The following MAP3K10 variants were observed in gnomAD, a reference collection of about 807,000 sequenced individuals.
MAP3K10 encodes the protein MKN28 derived nonreceptor_type serine/threonine kinase.
Under a neutral mutation model 75.0 loss-of-function variants are expected in MAP3K10, and 22 were observed. The observed-to-expected ratio is 0.29, with a 90% CI of 0.21 to 0.42. The LOEUF (loss-of-function observed/expected upper bound fraction) is 0.42, where lower values mean the gene tolerates loss of function less well. Ranked by LOEUF, MAP3K10 falls within the 10% of genes least tolerant of loss-of-function variation. The probability of loss-of-function intolerance (pLI) is 1.00; values close to 1 mark genes in which losing one functional copy is unlikely to be tolerated. For synonymous variants in MAP3K10, 599 were observed against 612.9 expected, an observed-to-expected ratio of 0.98 and a Z score of 0.34; for missense variants, 1,165 against 1,379.8, an observed-to-expected ratio of 0.84 and a Z score of 2.47.
intron 5 of MAP3K10, among the ~76,000 whole-genome samples, 167 bp from the exon 6 acceptor site, chr19:40,208,936 T>G (rs1232669639): frequency 2.0e-5 from 3 of 152,162 alleles, no homozygotes; most frequent in African/African-American, 7.2e-5. Context: ...TTTCAGCTGA[T>G]GGTGATGCTG....
Position 40,192,233 on chromosome 19 carries a change from G to T in MAP3K10, c.202G>T (p.Val68Leu). Residue 68 changes from valine (V) to leucine (L), a missense_variant, in exon 1 of 10, where the codon GTG (valine) becomes TTG (leucine). Transcript: ENST00000253055. This position sits in a 1 kb window ranked among gnomAD's most constrained non-coding sequence, Gnocchi z 7.1. ...GACCGGGCAGCTCCCCAGCGGCCGC[G>T]TGGGCGTCTTCCCCAGCAACTACGT... is the stretch of plus-strand genomic sequence containing the variant. ...WWTGQLPSGR[V>L]GVFPSNYVAP... 6.2e-7 allele frequency: 1 copy of T among 1,604,642 alleles called. No individual in the cohort carries two copies.
At chr19:40,206,866 C>G (rs1219618071) in intron 5 of MAP3K10, among the ~76,000 whole-genome samples, 1 of 152,032 alleles carries the variant, frequency 6.6e-6, no homozygotes, top group Non-Finnish European at 1.5e-5. Context: ...GGCCAAAGTG[C>G]GTAGATCACT....
At chr19:40,195,533 A>G (rs1349262350) in intron 1 of MAP3K10, among the ~76,000 whole-genome samples, 2 of 115,498 alleles carry the variant, frequency 1.7e-5, no homozygotes, top group African/African-American at 6.7e-5. Context: ...TCACTCTGTG[A>G]CCCAGGCTGG....
Position 40,204,783 on chromosome 19 carries a change from C to G in MAP3K10, c.1012+150C>G, listed in dbSNP as rs948158331. Reference sequence around the variant, plus strand: ...ACCCACTGGACTCTAAACAGCCTCCCCATGGTTGGCTCCATCCCCCACATC... The same window carrying G: ...ACCCACTGGACTCTAAACAGCCTCCGCATGGTTGGCTCCATCCCCCACATC... On this transcript the variant is annotated intron_variant, in intron 3 of 9. Transcript: ENST00000253055. This position sits in a 1 kb window ranked among gnomAD's most constrained non-coding sequence, Gnocchi z 4.3. The G allele has an allele frequency of 6.2e-6, 6 of 972,174 alleles. No individual in the cohort carries two copies. In the African/African-American group the frequency reaches 9.9e-5, roughly 16 times the overall value. 60.2% of individuals were successfully genotyped at this position (972,174 alleles called of 1,614,324 possible).
intron 5 of MAP3K10, 33 bp downstream of exon 5, chr19:40,206,190 G>T (rs755766456): frequency 6.4e-7 from 1 of 1,555,178 alleles, no homozygotes; most frequent in Admixed American, 2.0e-5. Flanking sequence ...CGCCCCCCAA[G>T]AGGCTGCTGG....
At chr19:40,195,293 G>A (rs1972884151) in intron 1 of MAP3K10, among the ~76,000 whole-genome samples, 1 of 152,044 alleles carries the variant, frequency 6.6e-6, no homozygotes, top group Admixed American at 6.6e-5. Flanking sequence ...CTTAGGCCCA[G>A]CCTGGGAAAT....
At chr19:40,214,766 A>G (rs1973319039) in intron 9 of MAP3K10, among the ~76,000 whole-genome samples, 1 of 152,098 alleles carries the variant, frequency 6.6e-6, no homozygotes. Context: ...GCCAGGGTCC[A>G]CCCAGAGGAG....
rs1164221008 is a variant in MAP3K10, at chr19:40,191,535, C to T, written c.-497C>T. ...ATGGGGGCCGCCCGGCTGCCCCGCG[C>T]GTGAGGAGGCCGAGGGGCGCGCCAC... On this transcript the variant is annotated 5_prime_UTR_variant, in exon 1 of 10. Coordinates refer to ENST00000253055, the MANE Select transcript of MAP3K10 (RefSeq NM_002446.4). Among the ~76,000 whole-genome samples, 3 of 148,358 alleles carry T rather than the reference C, an allele frequency of 2.0e-5. No individual in the cohort carries two copies. The highest frequency in any genetic ancestry group is 6.4e-3 in the Middle Eastern group (2 of 312).
At chr19:40,199,624 C>G (rs754914307) in intron 2 of MAP3K10, among the ~76,000 whole-genome samples, 66 of 152,070 alleles carry the variant, frequency 4.3e-4, no homozygotes, top group Non-Finnish European at 7.4e-4. Flanking sequence ...GGAGAGGGAG[C>G]TGGAAGGCCC....
At position 40,213,903 on chromosome 19, in the gene MAP3K10, C is replaced by A; in HGVS notation, c.2224C>A (p.Pro742Thr). ...CGTGGGCCCCGGCCTGGGCCTGGCGCCCTCGGCCACCCTCGTGTCGCTGTC... is the reference window on the plus strand; with the variant it reads ...CGTGGGCCCCGGCCTGGGCCTGGCGACCTCGGCCACCCTCGTGTCGCTGTC... ...EDVGPGLGLAPSATLVSLSSV... is the reference protein window; with the variant it reads ...EDVGPGLGLATSATLVSLSSV... Residue 742 changes from proline to threonine, a missense_variant, in exon 9 of 10, where the codon CCC becomes ACC. Pro to Thr is a conservative substitution (Grantham distance 38, BLOSUM62 -1). Around this residue, in one of 2 missense-constraint regions of MAP3K10, gnomAD observed 590 missense variants for 586.6 expected, o/e 1.01. Transcript: ENST00000253055. The surrounding 1 kb of genome is among the most constrained non-coding windows in gnomAD (Gnocchi z 5.7). 6.6e-7 allele frequency: 1 copy of A among 1,504,252 alleles called. No homozygotes were observed. The allele number at this position is 1,504,252 out of a possible 1,614,324, so 93.2% of individuals were successfully genotyped here.
rs999817385 is a variant in MAP3K10, at chr19:40,198,855, G to T, written c.863+300G>T. Among the ~76,000 whole-genome samples, 2 of 152,240 alleles carry T rather than the reference G, an allele frequency of 1.3e-5. No individual in the cohort carries two copies. The highest frequency in any genetic ancestry group is 2.9e-5 in the Non-Finnish European group (2 of 68,032). On this transcript the variant is annotated intron_variant, in intron 2 of 9. Coordinates refer to ENST00000253055, the MANE Select transcript of MAP3K10 (RefSeq NM_002446.4). The surrounding 1 kb of genome is among the most constrained non-coding windows in gnomAD (Gnocchi z 4.3). ...GGCCGAGGTGGGCGGATCACTTGAGGTCAGGAGTTTGAGACCAGCCTGACC... is the reference window on the plus strand; with the variant it reads ...GGCCGAGGTGGGCGGATCACTTGAGTTCAGGAGTTTGAGACCAGCCTGACC...
chr19:40,197,849 T>G (rs1041671624), intron 1 of MAP3K10, among the ~76,000 whole-genome samples: 1 of 150,702 alleles, frequency 6.6e-6, no homozygotes, highest in Non-Finnish European at 1.5e-5. Context: ...TTCTTTTTTT[T>G]GAGACGAGGT....
At chr19:40,203,147 C>T (rs1187269738) in intron 2 of MAP3K10, among the ~76,000 whole-genome samples, 3 of 152,124 alleles carry the variant, frequency 2.0e-5, no homozygotes, top group Non-Finnish European at 2.9e-5. Context: ...GGAGACCAGC[C>T]TGGCCAACAT....
chr19:40,205,525 T>C lies in MAP3K10; in HGVS notation c.1188+229T>C, dbSNP rs1335726945. 2 of 566,172 alleles carry C rather than the reference T, an allele frequency of 3.5e-6. No individual in the cohort carries two copies. The highest frequency in any genetic ancestry group is 6.3e-6 in the Non-Finnish European group (2 of 318,860). 35.1% of individuals were successfully genotyped at this position (566,172 alleles called of 1,614,324 possible). On this transcript the variant is annotated intron_variant, in intron 4 of 9. Coordinates refer to ENST00000253055, the MANE Select transcript of MAP3K10 (RefSeq NM_002446.4). The surrounding 1 kb of genome is among the most constrained non-coding windows in gnomAD (Gnocchi z 4.3). ...ACACTGCATGATGTCTGGGGTTGGC[T>C]TTAAAATACTACAGCAGAAACGAAG...
intron 1 of MAP3K10, among the ~76,000 whole-genome samples, chr19:40,197,357 G>A (rs769622765): frequency 3.3e-5 from 5 of 152,052 alleles, no homozygotes; most frequent in South Asian, 2.1e-4. Context: ...ACAGAGTCTC[G>A]CTCTGTCACC....
intron 1 of MAP3K10, among the ~76,000 whole-genome samples, chr19:40,196,801 G>A (rs981611894): frequency 3.9e-5 from 6 of 152,172 alleles, no homozygotes; most frequent in Non-Finnish European, 8.8e-5. Flanking sequence ...TTACAGGCAT[G>A]AGCCACTGCT....
In MAP3K10 at chr19:40,213,347, G is replaced by A. The variant is rs1973276682; in HGVS notation, c.1837+159G>A. ...CCTGGGGCGTGGGGGGTCATTTCCA[G>A]GGGCAGGGACCACCCTTCTCTGAGG... On this transcript the variant is annotated intron_variant, in intron 8 of 9. Coordinates refer to ENST00000253055, the MANE Select transcript of MAP3K10 (RefSeq NM_002446.4). This position sits in a 1 kb window ranked among gnomAD's most constrained non-coding sequence, Gnocchi z 5.7. The A allele has an allele frequency of 1.4e-6, 2 of 1,449,626 alleles. No individual in the cohort carries two copies. Among genetic ancestry groups the A allele is most frequent in the South Asian group, 2.9e-5 (2 of 69,288 alleles). 89.8% of individuals were successfully genotyped at this position (1,449,626 alleles called of 1,614,324 possible).
chr19:40,212,333 T>C lies in MAP3K10; in HGVS notation c.1553-472T>C, dbSNP rs1973255977. Among the ~76,000 whole-genome samples the C allele has an allele frequency of 6.6e-6, 1 of 152,010 alleles. No individual in the cohort carries two copies. Among genetic ancestry groups the C allele is most frequent in the South Asian group, 2.1e-4 (1 of 4,824 alleles). ...CCACCCACAGCCCCCCTGCCCTCTGTCTGGGCACCTGCTTTGTACCAGGCC... is the reference window on the plus strand; with the variant it reads ...CCACCCACAGCCCCCCTGCCCTCTGCCTGGGCACCTGCTTTGTACCAGGCC... On this transcript the variant is annotated intron_variant, in intron 6 of 9. Coordinates refer to ENST00000253055, the MANE Select transcript of MAP3K10 (RefSeq NM_002446.4). The surrounding 1 kb of genome is among the most constrained non-coding windows in gnomAD (Gnocchi z 4.2).
chr19:40,200,075 A>G (rs1238560540), intron 2 of MAP3K10, among the ~76,000 whole-genome samples: 1 of 152,142 alleles, frequency 6.6e-6, no homozygotes, highest in African/African-American at 2.4e-5. Context: ...TGGGTGGTTC[A>G]CTTGAGGCCA....
Sources: gnomAD v4.1 joint callset for allele counts (sites outside exome capture counted in the v4.1 genomes callset) on GRCh38, gnomAD v4.1.1 for gene constraint, gnomAD v4.1.1 regional missense constraint, Gnocchi (gnomAD v3.1) non-coding constraint, MANE v1.5 for transcripts, NCBI Gene and HGNC (gene_info 2026-07-23, HGNC 2026-07-21) for gene names.